WDR20: variants seen among roughly 807,000 people sequenced by gnomAD.
WDR20 encodes WD repeat domain 20.
Under a neutral mutation model 38.7 loss-of-function variants are expected in WDR20, and 3 were observed. The ratio of observed to expected loss-of-function variants is 0.08; its 90% confidence interval spans 0.04 to 0.20. WDR20 has a LOEUF of 0.20. Ranked by LOEUF, WDR20 falls within the 10% of genes least tolerant of loss-of-function variation. WDR20 has a pLI of 1.00. For synonymous variants in WDR20, 298 were observed against 285.6 expected, an observed-to-expected ratio of 1.04 and a Z score of -0.44; for missense variants, 559 against 727.7, an observed-to-expected ratio of 0.77 and a Z score of 2.67.
chr14:102,151,946 C>A (rs988936244), intron 1 of WDR20, among the ~76,000 whole-genome samples: 1 of 150,806 alleles, frequency 6.6e-6, no homozygotes, highest in South Asian at 2.1e-4. Flanking sequence ...GACACAGGGT[C>A]GGTCTCGCTC....
At chr14:102,152,903 G>T (rs772698445) in intron 1 of WDR20, among the ~76,000 whole-genome samples, 4 of 152,156 alleles carry the variant, frequency 2.6e-5, no homozygotes, top group Non-Finnish European at 5.9e-5. Context: ...TTAACAATAA[G>T]CTAGGGACTT....
chr14:102,208,477 G>A lies in WDR20; in HGVS notation c.433-126G>A, dbSNP rs1182545822. On this transcript the variant is annotated intron_variant, in intron 2 of 2. Coordinates refer to ENST00000342702, the MANE Select transcript of WDR20 (RefSeq NM_144574.4). The surrounding 1 kb of genome is among the most constrained non-coding windows in gnomAD (Gnocchi z 5.6). ...TCCTTGCTGGCTTGGCTGACTGCAG[G>A]ATAAAATGTGGAGGGCCTGGATAGA... 7.6e-7 allele frequency: 1 copy of A among 1,315,238 alleles called. No homozygotes were observed. The highest frequency in any genetic ancestry group is 2.8e-5 in the Admixed American group (1 of 35,730). The allele number at this position is 1,315,238 out of a possible 1,614,324, so 81.5% of individuals were successfully genotyped here.
downstream of WDR20, among the ~76,000 whole-genome samples, chr14:102,216,700 C>T (rs939703527): frequency 6.6e-6 from 1 of 152,136 alleles, no homozygotes; most frequent in Non-Finnish European, 1.5e-5. Context: ...GAGGCCGAGG[C>T]GGGTGGATCA....
At chr14:102,205,033 C>T (rs544801365) in intron 2 of WDR20, among the ~76,000 whole-genome samples, 12 of 152,314 alleles carry the variant, frequency 7.9e-5, no homozygotes, top group Admixed American at 5.9e-4. Context: ...GATTGCTTTG[C>T]TCCTGAAGCC....
intron 1 of WDR20, among the ~76,000 whole-genome samples, chr14:102,183,493 C>A (rs1282542649): frequency 1.3e-5 from 2 of 152,200 alleles, no homozygotes; most frequent in African/African-American, 4.8e-5. Flanking sequence ...TACTGCTACA[C>A]GTGTTGTTTA....
chr14:102,192,243 G>A (rs28404905), intron 1 of WDR20, among the ~76,000 whole-genome samples: 4,211 of 150,870 alleles, frequency 0.028, 153 homozygotes, highest in African/African-American at 0.083. Context: ...GCAGTGGCAC[G>A]ATCTCGGCTC....
chr14:102,189,872 A>G (rs961505023), intron 1 of WDR20, among the ~76,000 whole-genome samples: 1 of 152,224 alleles, frequency 6.6e-6, no homozygotes, highest in Non-Finnish European at 1.5e-5. Context: ...TAAATATTAA[A>G]TGTTGTGGAA....
chr14:102,193,578 C>G, intron 1 of WDR20: 2 of 1,520,900 alleles, frequency 1.3e-6, no homozygotes, highest in Non-Finnish European at 1.8e-6. Context: ...GCTCCCAGAA[C>G]TACTTGTTAC....
At chr14:102,167,866 A>G (rs2060064669) in intron 1 of WDR20, among the ~76,000 whole-genome samples, 1 of 152,206 alleles carries the variant, frequency 6.6e-6, no homozygotes, top group Admixed American at 6.5e-5. Context: ...TTGATGCATT[A>G]TAGGTACTTC....
Position 102,209,121 on chromosome 14 carries a change from T to C in WDR20, c.951T>C (p.Thr317=). 4 of 1,614,040 alleles carry C rather than the reference T, an allele frequency of 2.5e-6. No individual in the cohort carries two copies. The highest frequency in any genetic ancestry group is 3.4e-6 in the Non-Finnish European group (4 of 1,180,010). Residue 317 remains threonine (T), a synonymous_variant, in exon 3 of 3, where the codon ACT becomes ACC. Transcript: ENST00000342702. This position sits in a 1 kb window ranked among gnomAD's most constrained non-coding sequence, Gnocchi z 6.0. ...TTGTAGCGTTTGACCCTTATACCAC[T>C]AGTGTAGAAGAAGGTGACCCTATGG... is the stretch of plus-strand genomic sequence containing the variant. ...VSVVAFDPYT[T]SVEEGDPMEF...
At chr14:102,160,896 C>T (rs2058480967) in intron 1 of WDR20, among the ~76,000 whole-genome samples, 2 of 133,008 alleles carry the variant, frequency 1.5e-5, no homozygotes, top group South Asian at 2.4e-4. Context: ...TGCAGTGAGC[C>T]GAGATCGCGC....
intron 1 of WDR20, among the ~76,000 whole-genome samples, chr14:102,150,239 G>T (rs1409746505): frequency 6.6e-6 from 1 of 152,124 alleles, no homozygotes; most frequent in Non-Finnish European, 1.5e-5. Flanking sequence ...ACGTTGGGAG[G>T]CTGAGGTGGG....
At chr14:102,141,841 T>G in intron 1 of WDR20, among the ~76,000 whole-genome samples, 1 of 152,266 alleles carries the variant, frequency 6.6e-6, no homozygotes, top group East Asian at 1.9e-4. Flanking sequence ...AAATTTATAT[T>G]TATATAAAAA....
At chr14:102,148,354 G>A (rs1297516606) in intron 1 of WDR20, among the ~76,000 whole-genome samples, 3 of 151,994 alleles carry the variant, frequency 2.0e-5, no homozygotes, top group Non-Finnish European at 2.9e-5. Flanking sequence ...AGACCAGCCA[G>A]GGCAACATAG....
intron 1 of WDR20, among the ~76,000 whole-genome samples, chr14:102,163,163 G>T (rs2059104564): frequency 6.6e-6 from 1 of 152,100 alleles, no homozygotes; most frequent in Admixed American, 6.6e-5. Context: ...GAGGGAGTGG[G>T]TTAGTTATTA....
chr14:102,173,619 C>A (rs992604774), intron 1 of WDR20, among the ~76,000 whole-genome samples: 1 of 151,640 alleles, frequency 6.6e-6, no homozygotes, highest in African/African-American at 2.4e-5. Flanking sequence ...TATCCCTCAT[C>A]CCCCTCCCAC....
At chr14:102,199,275 G>A (rs1398910065) in intron 2 of WDR20, among the ~76,000 whole-genome samples, 1 of 151,772 alleles carries the variant, frequency 6.6e-6, no homozygotes, top group Non-Finnish European at 1.5e-5. Context: ...AGAGGTTTGT[G>A]ATGAGGCTCA....
chr14:102,151,173 A>ATTTTTTTTT (rs534503694), intron 1 of WDR20, among the ~76,000 whole-genome samples: 279 of 111,506 alleles, frequency 2.5e-3, no homozygotes, highest in African/African-American at 6.0e-3. Context: ...CCATTGGGGA[A>ATTTTTTTTT]TTTTTTTTTT....
At chr14:102,170,913 CT>C (rs1034848194) in intron 1 of WDR20, among the ~76,000 whole-genome samples, 5 of 151,802 alleles carry the variant, frequency 3.3e-5, no homozygotes, top group African/African-American at 1.2e-4. Context: ...CTTTTTTTCC[CT>C]TTATTTTTCT....
Sources: gnomAD v4.1 joint callset for allele counts (sites outside exome capture counted in the v4.1 genomes callset) on GRCh38, gnomAD v4.1.1 for gene constraint, Gnocchi (gnomAD v3.1) non-coding constraint, MANE v1.5 for transcripts, NCBI Gene and HGNC (gene_info 2026-07-23, HGNC 2026-07-21) for gene names.